Variants in SLC25A26 observed in about 807,000 individuals in gnomAD.
SLC25A26 encodes mitochondrial S-adenosylmethionine carrier protein.
Under a neutral mutation model 37.8 loss-of-function variants are expected in SLC25A26, and 36 were observed. The observed-to-expected ratio is 0.95, with a 90% CI of 0.73 to 1.26. The LOEUF (loss-of-function observed/expected upper bound fraction) is 1.26. SLC25A26 is among the 50% of genes most tolerant of loss of function. The pLI is 0.00. For missense variants in SLC25A26, 390 were observed against 331.1 expected, an observed-to-expected ratio of 1.18 and a Z score of -1.38; for synonymous variants, 129 against 122.5, an observed-to-expected ratio of 1.05 and a Z score of -0.35.
chr3:66,259,003 A>G (rs2073416136), intron 3 of SLC25A26, among the ~76,000 whole-genome samples: 1 of 152,196 alleles, frequency 6.6e-6, no homozygotes, highest in Non-Finnish European at 1.5e-5. Flanking sequence ...CATATTTGCC[A>G]GCATAGCTCT....
chr3:66,220,594 T>C (rs2071441206), upstream of SLC25A26: 1 of 156,700 alleles, frequency 6.4e-6, no homozygotes, highest in African/African-American at 2.4e-5. Context: ...GTTAATTTAA[T>C]ATAAACTCAG....
intron 6 of SLC25A26, among the ~76,000 whole-genome samples, chr3:66,353,146 AG>A (rs1164309776): frequency 2.6e-5 from 4 of 152,202 alleles, no homozygotes. Context: ...GGGCTCAATA[AG>A]GTTGTCTTTC....
chr3:66,345,528 C>G (rs2076300729), intron 5 of SLC25A26, among the ~76,000 whole-genome samples: 1 of 148,894 alleles, frequency 6.7e-6, no homozygotes, highest in South Asian at 2.2e-4. Flanking sequence ...CTTTCTTTCC[C>G]CTCCTTCCTG....
chr3:66,182,713 C>T (rs1408356038), intron 1 of SLC25A26, among the ~76,000 whole-genome samples: 9 of 2,418 alleles, frequency 3.7e-3, no homozygotes, highest in South Asian at 0.012. Flanking sequence ...CTGCAGTGGG[C>T]GGCGGGGGGG....
chr3:66,339,836 A>G (rs535867214), intron 5 of SLC25A26, among the ~76,000 whole-genome samples: 94 of 152,046 alleles, frequency 6.2e-4, no homozygotes, highest in African/African-American at 2.1e-3. Context: ...AATTGCATTC[A>G]TTGATGCACA....
At position 66,181,445 on chromosome 3, in the gene SLC25A26, G is replaced by A. The variant is rs574711026; in HGVS notation, c.-353-39297G>A. Among the ~76,000 whole-genome samples the A allele has an allele frequency of 4.3e-4, 66 of 152,308 alleles. No homozygotes were observed. The South Asian group carries it at 0.012, about 29-fold the overall frequency. On this transcript the variant is annotated intron_variant, in intron 1 of 10. Coordinates refer to the SLC25A26 transcript ENST00000676754. ...TACTTTAATGTATACAGAGCATGTC[G>A]TAGTTACTGGCAAACGGCACCCTAA... is the stretch of plus-strand genomic sequence containing the variant.
intron 5 of SLC25A26, among the ~76,000 whole-genome samples, chr3:66,308,479 T>A (rs959686205): frequency 1.1e-4 from 16 of 152,358 alleles, no homozygotes; most frequent in Non-Finnish European, 1.6e-4. Context: ...TCTTCCTATT[T>A]GAATACCCTT....
intron 5 of SLC25A26, among the ~76,000 whole-genome samples, chr3:66,278,874 T>G (rs959955715): frequency 6.6e-6 from 1 of 152,168 alleles, no homozygotes; most frequent in African/African-American, 2.4e-5. Flanking sequence ...TCTTTTACCC[T>G]CAGTCACTTC....
intron 1 of SLC25A26, among the ~76,000 whole-genome samples, chr3:66,168,179 G>GTATATATATGTA (rs2070451312): frequency 3.0e-5 from 1 of 33,782 alleles, no homozygotes; most frequent in Non-Finnish European, 5.8e-5. Context: ...ATATATATGT[G>GTATATATATGTA]TGTGTGTATA....
In SLC25A26 at chr3:66,283,344, G is replaced by A. The variant is rs141358377; in HGVS notation, c.453+19965G>A. Among the ~76,000 whole-genome samples the A allele has an allele frequency of 2.7e-3, 410 of 152,172 alleles. 1 individual carries two copies. The highest frequency in any genetic ancestry group is 4.0e-3 in the Non-Finnish European group (270 of 67,984). ...GTTAACCCAGGCTGAGTGCAGTGGC[G>A]CAGTCTTGGCTCACTGCAACCTGTT... On this transcript the variant is annotated intron_variant, in intron 5 of 9. Transcript: ENST00000354883.
chr3:66,344,817 G>T (rs777107857), intron 5 of SLC25A26, among the ~76,000 whole-genome samples: 1 of 152,208 alleles, frequency 6.6e-6, no homozygotes, highest in African/African-American at 2.4e-5. Context: ...TGTACTGTGG[G>T]TGAATTTATA....
chr3:66,202,700 C>T (rs1272139603), intron 1 of SLC25A26, among the ~76,000 whole-genome samples: 1 of 152,110 alleles, frequency 6.6e-6, no homozygotes, highest in Non-Finnish European at 1.5e-5. Flanking sequence ...ATGTGATCTA[C>T]ACACATCAGC....
At chr3:66,226,751 G>A (rs1576661718) in intron 1 of SLC25A26, among the ~76,000 whole-genome samples, 2 of 151,964 alleles carry the variant, frequency 1.3e-5, no homozygotes, top group East Asian at 3.9e-4. Flanking sequence ...ATGAGCCACT[G>A]AGCCCAGCCC....
intron 4 of SLC25A26, among the ~76,000 whole-genome samples, chr3:66,262,466 T>C (rs979828498): frequency 6.6e-6 from 1 of 152,198 alleles, no homozygotes; most frequent in Non-Finnish European, 1.5e-5. Flanking sequence ...TATTAAAACA[T>C]CAGTATAGTA....
At chr3:66,364,573 C>T (rs1348033004) in intron 7 of SLC25A26, among the ~76,000 whole-genome samples, 2 of 152,198 alleles carry the variant, frequency 1.3e-5, no homozygotes, top group Non-Finnish European at 2.9e-5. Context: ...AGTTTCCTTA[C>T]CTGTAATGTA....
chr3:66,251,600 C>T (rs190253626), intron 3 of SLC25A26, among the ~76,000 whole-genome samples: 8 of 152,230 alleles, frequency 5.3e-5, no homozygotes, highest in Admixed American at 3.3e-4. Context: ...AGGGTCAGAA[C>T]GGGAGGGTCA....
At chr3:66,309,912 C>T (rs751972433) in intron 5 of SLC25A26, among the ~76,000 whole-genome samples, 4 of 152,178 alleles carry the variant, frequency 2.6e-5, no homozygotes, top group Non-Finnish European at 5.9e-5. Context: ...GAATGTTTTA[C>T]TTCCATTTAT....
intron 1 of SLC25A26, among the ~76,000 whole-genome samples, chr3:66,165,827 G>A (rs1433838651): frequency 6.6e-6 from 1 of 152,002 alleles, no homozygotes; most frequent in African/African-American, 2.4e-5. Context: ...GGAGAGGTTA[G>A]ACAGGAGTCC....
intron 1 of SLC25A26, among the ~76,000 whole-genome samples, chr3:66,145,214 T>G (rs2070097656): frequency 6.6e-6 from 1 of 152,204 alleles, no homozygotes; most frequent in South Asian, 2.1e-4. Flanking sequence ...AAGGAGAAAG[T>G]GAAGACACCA....
Sources: gnomAD v4.1 joint callset for allele counts (sites outside exome capture counted in the v4.1 genomes callset) on GRCh38, gnomAD v4.1.1 for gene constraint, MANE v1.5 for transcripts, NCBI Gene and HGNC (gene_info 2026-07-23, HGNC 2026-07-21) for gene names.